Variants in MAPK3 observed in about 807,000 individuals in gnomAD.
MAPK3 encodes MAPK 1.
A neutral mutation model predicts 41.8 loss-of-function variants in MAPK3; 30 were observed. The ratio of observed to expected loss-of-function variants is 0.72; its 90% CI spans 0.54 to 0.97. MAPK3 has a LOEUF of 0.97. Ranked by LOEUF, MAPK3 falls within the 50% of genes least tolerant of loss-of-function variation. The probability of loss-of-function intolerance (pLI) is 0.00; values close to 1 mark genes in which losing one functional copy is unlikely to be tolerated. For missense variants in MAPK3, 413 were observed against 509.9 expected (o/e 0.81, Z 1.83); for synonymous variants, 222 against 213.4 (o/e 1.04, Z -0.35).
Position 30,118,522 on chromosome 16 carries a change from G to C in MAPK3, c.370C>G (p.Leu124Val). 1.9e-6 allele frequency: 3 copies of C among 1,613,626 alleles called. No individual in the cohort carries two copies. Among genetic ancestry groups the C allele is most frequent in the Non-Finnish European group, 2.5e-6 (3 of 1,179,820 alleles). Residue 124 changes from leucine (L) to valine (V), a missense_variant, in exon 3 of 9, where the codon CTG becomes GTG. Transcript: ENST00000263025. ...AACTTGTACAGGTCAGTCTCCATCA[G>C]GTCCTGCACAATGTAGCTGAGGATG... ...AMRDVYIVQD[L>V]METDLYKLLK...
chr16:30,116,641 C>A lies in MAPK3; in HGVS notation c.*27G>T. On this transcript the variant is annotated 3_prime_UTR_variant, in exon 8 of 9. Transcript: ENST00000263025. ...TGGGCCATGGAGACACTCACCAGGC[C>A]CCAGGGTGCAGAGATGTCTGTCTGG... The A allele has an allele frequency of 6.2e-7, 1 of 1,611,408 alleles. No individual in the cohort carries two copies. Among genetic ancestry groups the A allele is most frequent in the South Asian group, 1.1e-5 (1 of 91,016 alleles).
intron 2 of MAPK3, 89 bp downstream of exon 2, chr16:30,121,735 G>A: frequency 7.5e-7 from 1 of 1,342,038 alleles, no homozygotes; most frequent in Middle Eastern, 1.9e-4. Flanking sequence ...GAGGGTGGTG[G>A]GTAAGATGGA....
At chr16:30,122,816 A>G in intron 1 of MAPK3, 1 of 412,306 alleles carries the variant, frequency 2.4e-6, no homozygotes, top group South Asian at 5.3e-5. Context: ...AGAAGGGTGG[A>G]CTCAAAGCCT....
chr16:30,120,511 G>A (rs1264192320), intron 2 of MAPK3, among the ~76,000 whole-genome samples: 1 of 152,120 alleles, frequency 6.6e-6, no homozygotes, highest in East Asian at 1.9e-4. Flanking sequence ...GGGGAGGACA[G>A]CCAAGGCTAG....
chr16:30,115,398 G>A (rs749311120), intron 8 of MAPK3, among the ~76,000 whole-genome samples: 1 of 152,200 alleles, frequency 6.6e-6, no homozygotes, highest in Non-Finnish European at 1.5e-5. Context: ...GGAAGAGACC[G>A]GAGGAGGCAA....
At chr16:30,117,931 C>T in intron 4 of MAPK3, 116 bp downstream of exon 4, 1 of 1,134,048 alleles carries the variant, frequency 8.8e-7, no homozygotes, top group Non-Finnish European at 1.3e-6. Context: ...CTTGCAGAGC[C>T]CAAGGCCCAG....
At chr16:30,120,666 G>A (rs2073007074) in intron 2 of MAPK3, among the ~76,000 whole-genome samples, 1 of 150,428 alleles carries the variant, frequency 6.6e-6, no homozygotes, top group African/African-American at 2.4e-5. Context: ...GGTTTTCTGA[G>A]CCTTAGCTTC....
intron 7 of MAPK3, 29 bp from the exon 8 acceptor site, chr16:30,116,819 G>T (rs1016782360): frequency 1.2e-6 from 2 of 1,613,604 alleles, no homozygotes; most frequent in Non-Finnish European, 1.7e-6. Flanking sequence ...CAAGGCTCAG[G>T]CCTGGCATGG....
rs2151047779 is a variant in MAPK3 at position 30,121,890 on chromosome 16, C to T, written c.287G>A (p.Arg96His). The T allele has an allele frequency of 1.9e-6, 3 of 1,614,136 alleles. No homozygotes were observed. The highest frequency in any genetic ancestry group is 2.5e-6 in the Non-Finnish European group (3 of 1,180,032). The change falls in exon 2 of 9, where the codon CGC (arginine) becomes CAC (histidine). Residue 96 changes from arginine (R) to histidine (H), a missense_variant. By Grantham distance (29) the Arg-to-His change is conservative (BLOSUM62 0). Around this residue, in one of 4 missense-constraint regions of MAPK3, gnomAD observed 140 missense variants for 206.0 expected, o/e 0.68. Transcript: ENST00000263025. ...LREIQILLRF[R>H]HENVIGIRDI... The stretch of plus-strand genomic sequence containing the variant: ...TCGGATGCCGATGACATTCTCATGG[C>T]GGAAGCGCAGCAGGATCTGGATCTC...
chr16:30,117,898 TG>T, intron 4 of MAPK3, 114 bp from the exon 5 acceptor site: 1 of 1,089,894 alleles, frequency 9.2e-7, no homozygotes, highest in Non-Finnish European at 1.4e-6. Flanking sequence ...GGCAGAGGCC[TG>T]GAGGGCTCAA....
chr16:30,118,618 G>C, intron 2 of MAPK3, 80 bp from the exon 3 acceptor site: 1 of 1,185,790 alleles, frequency 8.4e-7, no homozygotes, highest in Non-Finnish European at 1.2e-6. Context: ...CTGAAGGCGA[G>C]GCTGCACACC....
At chr16:30,121,320 A>G (rs1338424101) in intron 2 of MAPK3, among the ~76,000 whole-genome samples, 1 of 152,092 alleles carries the variant, frequency 6.6e-6, no homozygotes, top group African/African-American at 2.4e-5. Context: ...CATGTTGGCC[A>G]GGCTGGTCTC....
chr16:30,122,037 G>A (rs2073021541), intron 1 of MAPK3, 31 bp from the exon 2 acceptor site: 2 of 1,612,070 alleles, frequency 1.2e-6, no homozygotes, highest in East Asian at 2.2e-5. Flanking sequence ...CTGCTGCTGT[G>A]GCCTTACAAA....
In MAPK3 at chr16:30,121,978, G is replaced by A. The variant is rs567762331; in HGVS notation, c.199C>T (p.Arg67Cys). The change falls in exon 2 of 9, where the codon CGC (arginine) becomes TGC (cysteine). Residue 67 changes from arginine to cysteine, a missense_variant. By Grantham distance (180) the Arg-to-Cys change is radical. Coordinates refer to ENST00000263025, the MANE Select transcript of MAPK3 (RefSeq NM_002746.3). ...GGGCTGATCTTCTTGATGGCCACGCGAGTCTTGCGCACGTGGTCATAGGCC... is the reference window on the plus strand; with the variant it reads ...GGGCTGATCTTCTTGATGGCCACGCAAGTCTTGCGCACGTGGTCATAGGCC... ...SSAYDHVRKT[R>C]VAIKKISPFE... 5 of 1,614,146 alleles carry A rather than the reference G, an allele frequency of 3.1e-6. No homozygotes were observed. The highest frequency in any genetic ancestry group is 2.2e-5 in the East Asian group (1 of 44,886).
intron 1 of MAPK3, 36 bp downstream of exon 1, chr16:30,123,004 C>A: frequency 2.1e-6 from 3 of 1,446,794 alleles, no homozygotes; most frequent in Non-Finnish European, 2.7e-6. Context: ...AGCCCCCTCC[C>A]CTGAGGGCAC....
intron 5 of MAPK3, 31 bp downstream of exon 5, chr16:30,117,639 T>C (rs1596879333): frequency 6.4e-7 from 1 of 1,556,494 alleles, no homozygotes; most frequent in Non-Finnish European, 8.9e-7. Flanking sequence ...AAGCTAATCA[T>C]CCCCAACTCA....
At chr16:30,122,989 C>G in intron 1 of MAPK3, 51 bp downstream of exon 1, 1 of 1,384,512 alleles carries the variant, frequency 7.2e-7, no homozygotes, top group Non-Finnish European at 9.5e-7. Flanking sequence ...CCTCCTCTCC[C>G]GCGAAGCCCC....
rs1456383213 is a variant in MAPK3 at position 30,117,278 on chromosome 16, C to T, written c.783G>A (p.Leu261=). ...LDQLNHILGI[L]GSPSQEDLNC... is the part of the protein sequence containing the mutation. ...TCAGGTCCTCCTGGGATGGGGAGCC[C>T]AGGATGCCTGTGGATAAGGAGGTGA... is the stretch of plus-strand genomic sequence containing the variant. The change falls in exon 6 of 9, where the codon CTG becomes CTA. Residue 261 remains leucine (L), a synonymous_variant. Coordinates refer to ENST00000263025, the MANE Select transcript of MAPK3 (RefSeq NM_002746.3). 6.2e-7 allele frequency: 1 copy of T among 1,613,928 alleles called. No homozygotes were observed. Among genetic ancestry groups the T allele is most frequent in the African/African-American group, 1.3e-5 (1 of 75,000 alleles).
At chr16:30,118,834 TCA>T (rs2072987041) in intron 2 of MAPK3, among the ~76,000 whole-genome samples, 1 of 152,014 alleles carries the variant, frequency 6.6e-6, no homozygotes, top group Non-Finnish European at 1.5e-5. Context: ...CAGGAGAACT[TCA>T]CAGTTAAGAG....
Sources: gnomAD v4.1 joint callset for allele counts (sites outside exome capture counted in the v4.1 genomes callset) on GRCh38, gnomAD v4.1.1 for gene constraint, gnomAD v4.1.1 regional missense constraint, MANE v1.5 for transcripts, NCBI Gene and HGNC (gene_info 2026-07-23, HGNC 2026-07-21) for gene names.